MIPOL1: variants seen among roughly 807,000 people sequenced by gnomAD.
The protein encoded by MIPOL1 is mirror-image polydactyly gene 1 protein.
A neutral mutation model predicts 60.9 loss-of-function variants in MIPOL1; 57 were observed. That is an observed-to-expected ratio of 0.94 (90% CI 0.76 to 1.17). The LOEUF (loss-of-function observed/expected upper bound fraction) is 1.17, where lower values mean the gene tolerates loss of function less well. MIPOL1 is among the 50% of genes most tolerant of loss of function. The pLI, the probability that MIPOL1 is intolerant of heterozygous loss-of-function variation, is 0.00. For synonymous variants in MIPOL1, 179 were observed against 168.8 expected (o/e 1.06, Z -0.47); for missense variants, 551 against 511.6 (o/e 1.08, Z -0.74).
Position 37,523,095 on chromosome 14 carries a change from G to A in MIPOL1, c.1262+22957G>A, listed in dbSNP as rs151323617. Among the ~76,000 whole-genome samples, 39 of 152,210 alleles carry A rather than the reference G, an allele frequency of 2.6e-4. 1 individual carries two copies. The highest frequency in any genetic ancestry group is 8.4e-4 in the African/African-American group (35 of 41,574). On this transcript the variant is annotated intron_variant, in intron 12 of 12. Transcript: ENST00000684589. ...ATGTCTTTAGAAAGGAATCAGATCA[G>A]TGCATCAAAGATTTATGTTAACAGT...
rs1220895783 is a variant in MIPOL1, at chr14:37,550,513, T to TATATATATATATATAC, written c.*3543_*3544insTATATATATATATACA. The TATATATATATATATAC allele has an allele frequency of 6.8e-6, 1 of 146,380 alleles. No individual in the cohort carries two copies. Among genetic ancestry groups the TATATATATATATATAC allele is most frequent in the African/African-American group, 2.5e-5 (1 of 39,436 alleles). 9.1% of individuals were successfully genotyped at this position (146,380 alleles called of 1,614,324 possible). ...TATTTTACATATATATATATATATA[T>TATATATATATATATAC]ACATGCACACACACCGATACATTTA... is the stretch of plus-strand genomic sequence containing the variant. On this transcript the variant is annotated 3_prime_UTR_variant, in exon 13 of 13. Transcript: ENST00000684589.
chr14:37,296,060 C>T (rs2085639170), intron 7 of MIPOL1, among the ~76,000 whole-genome samples: 2 of 152,120 alleles, frequency 1.3e-5, no homozygotes, highest in African/African-American at 4.8e-5. Flanking sequence ...GGAAGTAAAG[C>T]ACTCCTCAGC....
At chr14:37,285,882 G>A (rs957288473) in intron 7 of MIPOL1, among the ~76,000 whole-genome samples, 4 of 151,990 alleles carry the variant, frequency 2.6e-5, no homozygotes, top group African/African-American at 4.8e-5. Context: ...ATGAGCCACC[G>A]CGCCCGGCCT....
rs544084204 is a variant in MIPOL1 at position 37,462,123 on chromosome 14, G to A, written c.1032-37785G>A. ...AGCAGACTTCTGCCTGGGCATCCAG[G>A]CATTTCCATACATCTTCTGAAATCT... On this transcript the variant is annotated intron_variant, in intron 11 of 12. Coordinates refer to ENST00000684589, the MANE Select transcript of MIPOL1 (RefSeq NM_001388067.1). Among the ~76,000 whole-genome samples the A allele has an allele frequency of 6.6e-5, 10 of 152,312 alleles. No homozygotes were observed. In the South Asian group the frequency reaches 2.1e-3, roughly 32 times the overall value.
At chr14:37,427,010 T>A (rs1175504222) in intron 11 of MIPOL1, among the ~76,000 whole-genome samples, 1 of 151,986 alleles carries the variant, frequency 6.6e-6, no homozygotes, top group African/African-American at 2.4e-5. Flanking sequence ...ATTTGGTGGT[T>A]CCTCAAAGGT....
At chr14:37,338,092 A>AT (rs1221945992) in intron 9 of MIPOL1, among the ~76,000 whole-genome samples, 42 of 132,118 alleles carry the variant, frequency 3.2e-4, no homozygotes, top group African/African-American at 1.1e-3. Flanking sequence ...CAGTGGCTTT[A>AT]TTTTTATTTA....
At chr14:37,271,164 A>G (rs1267188567) in intron 6 of MIPOL1, among the ~76,000 whole-genome samples, 2 of 152,082 alleles carry the variant, frequency 1.3e-5, no homozygotes, top group African/African-American at 2.4e-5. Context: ...TATGTTATAG[A>G]TACAATGAAA....
intron 3 of MIPOL1, among the ~76,000 whole-genome samples, chr14:37,253,036 A>G (rs1288113449): frequency 6.6e-6 from 1 of 151,830 alleles, no homozygotes; most frequent in Non-Finnish European, 1.5e-5. Context: ...ATGTCTAGAT[A>G]ACTAATCATT....
intron 10 of MIPOL1, among the ~76,000 whole-genome samples, chr14:37,389,436 T>G (rs944366472): frequency 3.9e-5 from 6 of 152,050 alleles, no homozygotes; most frequent in Admixed American, 6.6e-5. Flanking sequence ...ATCACATGAT[T>G]GATATAGATT....
intron 1 of MIPOL1, among the ~76,000 whole-genome samples, chr14:37,237,409 TTTGAAGA>T (rs1246635166): frequency 6.6e-6 from 1 of 152,140 alleles, no homozygotes; most frequent in Non-Finnish European, 1.5e-5. Flanking sequence ...GTGCTATCAT[TTTGAAGA>T]TGACTTTTTC....
intron 3 of MIPOL1, among the ~76,000 whole-genome samples, chr14:37,250,835 A>G (rs1013834480): frequency 1.3e-5 from 2 of 152,140 alleles, no homozygotes; most frequent in Non-Finnish European, 1.5e-5. Context: ...TCATCTTACA[A>G]ATTTCATTTT....
At chr14:37,414,145 A>G (rs911016384) in intron 10 of MIPOL1, among the ~76,000 whole-genome samples, 6 of 152,164 alleles carry the variant, frequency 3.9e-5, no homozygotes, top group Non-Finnish European at 8.8e-5. Context: ...ATCAAATCTA[A>G]CATAATATAA....
At chr14:37,222,227 T>C (rs1968904270) in intron 1 of MIPOL1, among the ~76,000 whole-genome samples, 3 of 151,766 alleles carry the variant, frequency 2.0e-5, no homozygotes, top group African/African-American at 7.3e-5. Flanking sequence ...CATTGCTTTT[T>C]TTTTTTTTTT....
intron 9 of MIPOL1, among the ~76,000 whole-genome samples, chr14:37,314,366 C>T (rs1346951102): frequency 6.6e-6 from 1 of 152,112 alleles, no homozygotes; most frequent in East Asian, 1.9e-4. Flanking sequence ...CAAGCCTATA[C>T]CAAGCACCAA....
chr14:37,533,571 C>T (rs940783973), intron 12 of MIPOL1, among the ~76,000 whole-genome samples: 1 of 152,100 alleles, frequency 6.6e-6, no homozygotes, highest in African/African-American at 2.4e-5. Flanking sequence ...AGCAAATGCT[C>T]ATATGGGGAG....
At chr14:37,242,583 A>G (rs1359562216) in intron 1 of MIPOL1, among the ~76,000 whole-genome samples, 4 of 152,156 alleles carry the variant, frequency 2.6e-5, no homozygotes, top group Non-Finnish European at 4.4e-5. Context: ...TTTTATTTAT[A>G]CCAGTTCTCT....
intron 7 of MIPOL1, among the ~76,000 whole-genome samples, chr14:37,302,780 T>A (rs1460893410): frequency 6.6e-6 from 1 of 151,910 alleles, no homozygotes; most frequent in African/African-American, 2.4e-5. Context: ...TTTACTATTC[T>A]GTTTCATTAA....
intron 10 of MIPOL1, among the ~76,000 whole-genome samples, chr14:37,416,196 A>T (rs2093765916): frequency 6.6e-6 from 1 of 152,136 alleles, no homozygotes; most frequent in South Asian, 2.1e-4. Flanking sequence ...TTCAACTTAA[A>T]CTATACTTAA....
rs747337952 is a variant in MIPOL1, at chr14:37,479,462, TAA to T, written c.1032-20443_1032-20442del. 1.6e-3 allele frequency among the ~76,000 whole-genome samples: 249 copies of T among 152,100 alleles called. 1 individual carries two copies. The highest frequency in any genetic ancestry group is 2.6e-3 in the Non-Finnish European group (178 of 67,950). ...AACAACCAATGCATATTGAAGAAAT[TAA>T]AAGAAATATTTAAAAATATCTTGAG... On this transcript the variant is annotated intron_variant, in intron 11 of 12. Transcript: ENST00000684589.
Sources: gnomAD v4.1 joint callset for allele counts (sites outside exome capture counted in the v4.1 genomes callset) on GRCh38, gnomAD v4.1.1 for gene constraint, MANE v1.5 for transcripts, NCBI Gene and HGNC (gene_info 2026-07-23, HGNC 2026-07-21) for gene names.